Variants in BTAF1 observed in about 807,000 individuals in gnomAD.
BTAF1 encodes the protein TATA-binding protein-associated factor 172.
Under a neutral mutation model 227.1 loss-of-function variants are expected in BTAF1, and 38 were observed. That is an observed-to-expected ratio of 0.17 (90% confidence interval 0.13 to 0.22). The LOEUF (loss-of-function observed/expected upper bound fraction) is 0.22. Among genes scored for constraint, BTAF1 ranks in the 10% least tolerant of loss-of-function variants. The probability of loss-of-function intolerance (pLI) is 1.00; values close to 1 mark genes in which losing one functional copy is unlikely to be tolerated. For synonymous variants in BTAF1, 742 were observed against 751.9 expected (o/e 0.99, Z 0.21); for missense variants, 1,598 against 2,204.0 (o/e 0.73, Z 5.51).
chr10:91,974,098 T>G (rs141212098), intron 14 of BTAF1, among the ~76,000 whole-genome samples: 108 of 152,286 alleles, frequency 7.1e-4, no homozygotes, highest in African/African-American at 2.4e-3. Context: ...TCACCTGAAT[T>G]ACTAGTAGCT....
chr10:91,957,370 C>CT, intron 8 of BTAF1, 77 bp downstream of exon 8: 1 of 1,220,650 alleles, frequency 8.2e-7, no homozygotes, highest in Non-Finnish European at 1.2e-6. Flanking sequence ...GAGCAATATA[C>CT]TTTGTCAGAG....
chr10:91,933,311 A>G (rs998808489), intron 1 of BTAF1, among the ~76,000 whole-genome samples: 4 of 152,188 alleles, frequency 2.6e-5, no homozygotes, highest in African/African-American at 4.8e-5. Flanking sequence ...TAATCTGGCA[A>G]CAGGATGACA....
intron 18 of BTAF1, among the ~76,000 whole-genome samples, chr10:91,983,943 G>A (rs542676124): frequency 6.7e-6 from 1 of 149,252 alleles, no homozygotes; most frequent in Non-Finnish European, 1.5e-5. Flanking sequence ...ATATATACAC[G>A]TGTAAACTTT....
At chr10:92,024,657 C>G (rs1328047694) in intron 34 of BTAF1, 99 bp from the exon 35 acceptor site, 3 of 1,009,200 alleles carry the variant, frequency 3.0e-6, no homozygotes, top group African/African-American at 3.2e-5. Flanking sequence ...ATTTCAGGTA[C>G]ATTTAACCTT....
chr10:92,016,522 AG>A (rs1211760881), intron 33 of BTAF1, 57 bp downstream of exon 33: 4 of 1,432,804 alleles, frequency 2.8e-6, no homozygotes, highest in African/African-American at 1.5e-5. Context: ...TCTGTCATCT[AG>A]GCTAGAGTGC....
intron 2 of BTAF1, among the ~76,000 whole-genome samples, chr10:91,937,477 A>T (rs1276729048): frequency 1.3e-5 from 2 of 152,150 alleles, no homozygotes; most frequent in African/African-American, 4.8e-5. Flanking sequence ...TCCTTCACTC[A>T]TGCCCAGATC....
intron 4 of BTAF1, among the ~76,000 whole-genome samples, chr10:91,943,771 T>G (rs938862466): frequency 3.3e-5 from 5 of 152,212 alleles, no homozygotes; most frequent in Non-Finnish European, 7.3e-5. Flanking sequence ...TTCATGGACA[T>G]TATCAGAGAT....
intron 16 of BTAF1, 31 bp downstream of exon 16, chr10:91,981,823 T>C (rs769850325): frequency 1.3e-6 from 2 of 1,585,698 alleles, no homozygotes; most frequent in Admixed American, 3.7e-5. Flanking sequence ...TGTATTTGTG[T>C]GTTCATCATC....
At chr10:91,945,134 C>T (rs1186072449) in intron 4 of BTAF1, among the ~76,000 whole-genome samples, 1 of 151,630 alleles carries the variant, frequency 6.6e-6, no homozygotes, top group East Asian at 1.9e-4. Context: ...TGGCATGTGG[C>T]TGGTAAATTG....
chr10:91,942,472 AAT>A lies in BTAF1; in HGVS notation c.305_306del (p.Asn102IlefsTer2). The A allele has an allele frequency of 6.2e-7, 1 of 1,613,986 alleles. No homozygotes were observed. Among genetic ancestry groups the A allele is most frequent in the Non-Finnish European group, 8.5e-7 (1 of 1,179,866 alleles). ...AGATTCACCTACTACAGAGCGATTG[AAT>A]TTTGACAGATTTGATATATGTAGAT... ...MEDSPTTERL[N>X]FDRFDICRLL... is the part of the protein sequence containing the mutation. On this transcript the variant is annotated frameshift_variant, in exon 4 of 38. Coordinates refer to ENST00000265990, the MANE Select transcript of BTAF1 (RefSeq NM_003972.3). LOFTEE classifies it high-confidence loss of function.
chr10:91,924,159 C>A (rs908314112), intron 1 of BTAF1, 69 bp downstream of exon 1: 7 of 1,575,352 alleles, frequency 4.4e-6, no homozygotes, highest in Non-Finnish European at 6.0e-6. Flanking sequence ...CTTAGAGCCC[C>A]CACTCCTAGA....
chr10:91,933,250 T>C (rs1417992195), intron 1 of BTAF1, among the ~76,000 whole-genome samples: 1 of 152,172 alleles, frequency 6.6e-6, no homozygotes, highest in African/African-American at 2.4e-5. Flanking sequence ...GTGTGAGCCA[T>C]TGAAAGTTTT....
intron 14 of BTAF1, among the ~76,000 whole-genome samples, chr10:91,978,959 T>C (rs935384469): frequency 8.6e-5 from 13 of 152,014 alleles, no homozygotes; most frequent in African/African-American, 3.1e-4. Context: ...CCAGTAGTTA[T>C]TTTTTCTGAT....
At chr10:91,999,078 AAATT>A (rs1354376893) in intron 25 of BTAF1, among the ~76,000 whole-genome samples, 1 of 151,800 alleles carries the variant, frequency 6.6e-6, no homozygotes, top group Admixed American at 6.6e-5. Context: ...AAAAAAAAAA[AAATT>A]AAGTTATTAT....
chr10:92,011,825 G>A (rs1397849232), intron 30 of BTAF1, among the ~76,000 whole-genome samples: 2 of 152,204 alleles, frequency 1.3e-5, no homozygotes, highest in East Asian at 1.9e-4. Flanking sequence ...GAAGGCAAGC[G>A]ATTGTAGAAG....
intron 20 of BTAF1, among the ~76,000 whole-genome samples, chr10:91,991,797 G>GTGTATATATATATATATA (rs1554860529): frequency 2.0e-4 from 2 of 10,010 alleles, no homozygotes; most frequent in African/African-American, 3.6e-4. Context: ...GTGTGTGTGT[G>GTGTATATATATATATATA]TATATATATA....
At chr10:91,994,452 G>A in intron 22 of BTAF1, 83 bp from the exon 23 acceptor site, 3 of 963,010 alleles carry the variant, frequency 3.1e-6, no homozygotes, top group Non-Finnish European at 4.7e-6. Flanking sequence ...TCCTATGCTA[G>A]CTGAAAAAGT....
chr10:91,976,087 A>T (rs1847668605), intron 14 of BTAF1, among the ~76,000 whole-genome samples: 1 of 152,154 alleles, frequency 6.6e-6, no homozygotes, highest in Non-Finnish European at 1.5e-5. Context: ...GGTTCCCCTG[A>T]CCCTCTCCTC....
intron 1 of BTAF1, among the ~76,000 whole-genome samples, chr10:91,932,807 A>G (rs1376159451): frequency 6.6e-6 from 1 of 152,244 alleles, no homozygotes; most frequent in Non-Finnish European, 1.5e-5. Flanking sequence ...TTGAACAAAG[A>G]GAAAAATACT....
Sources: allele counts gnomAD v4.1 joint callset (sites outside exome capture counted in the v4.1 genomes callset), GRCh38; gene constraint gnomAD v4.1.1; transcripts MANE v1.5; gene names NCBI Gene and HGNC (gene_info 2026-07-23, HGNC 2026-07-21).